DISC1: variants seen among roughly 807,000 people sequenced by gnomAD.
DISC1 encodes DISC1 scaffold protein, also known as disrupted in schizophrenia 1 protein.
DISC1 carries 57 observed loss-of-function variants against 84.5 expected under a neutral mutation model. The ratio of observed to expected loss-of-function variants is 0.67; its 90% CI spans 0.55 to 0.84. The LOEUF (loss-of-function observed/expected upper bound fraction) is 0.84, where lower values mean the gene tolerates loss of function less well. Ranked by LOEUF, DISC1 falls within the 40% of genes least tolerant of loss-of-function variation. The pLI, the probability that DISC1 is intolerant of heterozygous loss-of-function variation, is 0.00. For missense variants in DISC1, 1,000 were observed against 1,057.8 expected (o/e 0.95, Z 0.76); for synonymous variants, 411 against 415.2 (o/e 0.99, Z 0.12).
rs953135505 is a variant in DISC1 at position 231,954,832 on chromosome 1, C to A, written c.1982-3996C>A. Among the ~76,000 whole-genome samples the A allele has an allele frequency of 6.6e-6, 1 of 152,186 alleles. No homozygotes were observed. The highest frequency in any genetic ancestry group is 6.5e-5 in the Admixed American group (1 of 15,282). ...GCCTGTCTTGAAGGTTGTGAGTCAA[C>A]TTAGTGAATACATGCAAGGTACTTT... is the stretch of plus-strand genomic sequence containing the variant. On this transcript the variant is annotated intron_variant, in intron 9 of 12. Transcript: ENST00000439617. This position sits in a 1 kb window ranked among gnomAD's most constrained non-coding sequence, Gnocchi z 4.8.
At chr1:231,925,898 C>T (rs1378173664) in intron 9 of DISC1, 1 of 152,190 alleles carries the variant, frequency 6.6e-6, no homozygotes, top group African/African-American at 2.4e-5. Context: ...CAGAAGGAAC[C>T]CACTGGACTA....
At chr1:231,982,754 C>G (rs1247372977) in intron 10 of DISC1, among the ~76,000 whole-genome samples, 1 of 151,984 alleles carries the variant, frequency 6.6e-6, no homozygotes, top group African/African-American at 2.4e-5. Context: ...AAAACAAATA[C>G]GCAAAGATAA....
chr1:231,652,672 C>T lies in DISC1; in HGVS notation c.67+25738C>T, dbSNP rs568244538. Among the ~76,000 whole-genome samples, 26 of 152,292 alleles carry T rather than the reference C, an allele frequency of 1.7e-4. 1 individual carries two copies. The South Asian group carries it at 2.3e-3, about 13-fold the overall frequency. ...GGTTCACAGAGCCATACAACTTTAC[C>T]GAAATGGGATTATGTTGCATCTTGT... On this transcript the variant is annotated intron_variant, in intron 1 of 12. Transcript: ENST00000439617.
chr1:231,897,576 C>T lies in DISC1; in HGVS notation c.1982-61252C>T, dbSNP rs16855541. Among the ~76,000 whole-genome samples the T allele has an allele frequency of 7.7e-4, 117 of 152,058 alleles. 1 individual carries two copies. The East Asian group carries it at 0.014, about 18-fold the overall frequency. ...TATTTGTGGCATCTGAAAAACTTTGCGGCAGCATTTTACAGCCATTTATTG... is the reference window on the plus strand; with the variant it reads ...TATTTGTGGCATCTGAAAAACTTTGTGGCAGCATTTTACAGCCATTTATTG... On this transcript the variant is annotated intron_variant, in intron 9 of 12. Coordinates refer to ENST00000439617, the MANE Select transcript of DISC1 (RefSeq NM_018662.3). The surrounding 1 kb of genome is among the most constrained non-coding windows in gnomAD (Gnocchi z 4.5).
At chr1:231,879,672 G>T (rs2086150893) in intron 9 of DISC1, among the ~76,000 whole-genome samples, 1 of 151,800 alleles carries the variant, frequency 6.6e-6, no homozygotes, top group South Asian at 2.1e-4. Flanking sequence ...AATGTTTTGG[G>T]TGGGGGGCAT....
At chr1:231,782,612 G>A (rs75301711) in intron 6 of DISC1, among the ~76,000 whole-genome samples, 5 of 152,276 alleles carry the variant, frequency 3.3e-5, no homozygotes, top group African/African-American at 1.2e-4. Context: ...TTTAGGAGAA[G>A]CAAGAATATA....
At chr1:231,939,294 G>T (rs546005715) in intron 9 of DISC1, among the ~76,000 whole-genome samples, 1 of 152,142 alleles carries the variant, frequency 6.6e-6, no homozygotes, top group Admixed American at 6.5e-5. Context: ...TTAGAATAGT[G>T]CCTGGCATGT....
intron 10 of DISC1, among the ~76,000 whole-genome samples, chr1:231,969,326 G>A (rs937819200): frequency 6.6e-6 from 1 of 151,662 alleles, no homozygotes; most frequent in Non-Finnish European, 1.5e-5. Context: ...GCCTTCAGTG[G>A]TTCCTACAGT....
intron 6 of DISC1, among the ~76,000 whole-genome samples, chr1:231,778,882 A>G (rs1288241023): frequency 6.6e-6 from 1 of 152,244 alleles, no homozygotes; most frequent in African/African-American, 2.4e-5. Flanking sequence ...CAGAGACTCC[A>G]TACAAACTGA....
At chr1:231,756,988 G>T (rs1337872567) in intron 4 of DISC1, among the ~76,000 whole-genome samples, 1 of 152,148 alleles carries the variant, frequency 6.6e-6, no homozygotes, top group Non-Finnish European at 1.5e-5. Context: ...GGCCATGGTG[G>T]CAGGCTGAAG....
chr1:231,645,881 A>C (rs1043968647), intron 1 of DISC1, among the ~76,000 whole-genome samples: 2 of 149,282 alleles, frequency 1.3e-5, no homozygotes, highest in Non-Finnish European at 3.0e-5. Flanking sequence ...CATGGTGTAT[A>C]TGTGCCACAT....
chr1:231,977,266 A>C (rs1353703738), intron 10 of DISC1, among the ~76,000 whole-genome samples: 1 of 152,218 alleles, frequency 6.6e-6, no homozygotes, highest in Non-Finnish European at 1.5e-5. Flanking sequence ...ACTTGAAACA[A>C]CACAAAGCTA....
At chr1:231,658,612 G>A (rs1323943699) in intron 1 of DISC1, among the ~76,000 whole-genome samples, 1 of 152,116 alleles carries the variant, frequency 6.6e-6, no homozygotes, top group Non-Finnish European at 1.5e-5. Context: ...TTGGCTGTGG[G>A]TTTGTCATAT....
intron 4 of DISC1, among the ~76,000 whole-genome samples, chr1:231,766,079 C>G (rs1342053116): frequency 6.6e-6 from 1 of 151,910 alleles, no homozygotes; most frequent in Non-Finnish European, 1.5e-5. Flanking sequence ...CACTTGAGGT[C>G]AGGAATTCGA....
At chr1:232,029,623 C>A (rs1479264862) in intron 12 of DISC1, among the ~76,000 whole-genome samples, 1 of 152,198 alleles carries the variant, frequency 6.6e-6, no homozygotes, top group Non-Finnish European at 1.5e-5. Context: ...CTGCCAGAGC[C>A]TACTGTGCAT....
In DISC1 at chr1:231,778,075, T is replaced by A. The variant is rs563779981; in HGVS notation, c.1634+7005T>A. ...GTGGGCCCAAGGAAAAGAGAATGGA[T>A]GTCCCTCCAGGCCAGGGATGGTTGT... On this transcript the variant is annotated intron_variant, in intron 6 of 12. Transcript: ENST00000439617. Among the ~76,000 whole-genome samples, 271 of 152,238 alleles carry A rather than the reference T, an allele frequency of 1.8e-3. 2 individuals carry two copies. The highest frequency in any genetic ancestry group is 6.2e-3 in the African/African-American group (256 of 41,554).
chr1:231,961,523 A>C (rs1445603999), intron 10 of DISC1, among the ~76,000 whole-genome samples: 2 of 151,864 alleles, frequency 1.3e-5, no homozygotes, highest in African/African-American at 4.8e-5. Context: ...TTAGTTTTCA[A>C]CCCTTGCTTC....
chr1:231,628,140 G>T (rs940575824), intron 1 of DISC1, among the ~76,000 whole-genome samples: 2 of 152,190 alleles, frequency 1.3e-5, no homozygotes, highest in African/African-American at 4.8e-5. Context: ...TGCAGGAATA[G>T]TAGGGCATTT....
intron 3 of DISC1, among the ~76,000 whole-genome samples, chr1:231,731,547 A>C (rs557175361): frequency 2.0e-5 from 3 of 152,098 alleles, no homozygotes; most frequent in Non-Finnish European, 2.9e-5. Context: ...ACCAGTCCTC[A>C]ATTAGGCCTG....
Sources: allele counts gnomAD v4.1 joint callset (sites outside exome capture counted in the v4.1 genomes callset), GRCh38; gene constraint gnomAD v4.1.1; non-coding constraint Gnocchi (gnomAD v3.1); transcripts MANE v1.5; gene names NCBI Gene and HGNC (gene_info 2026-07-23, HGNC 2026-07-21).